Variants in TAFA1 observed in about 807,000 individuals in gnomAD.
The protein encoded by TAFA1 is TAFA chemokine like family member 1.
In TAFA1, 4 loss-of-function variants were observed where a neutral mutation model predicts 18.5. The observed-to-expected ratio is 0.22, with a 90% CI of 0.11 to 0.49. The LOEUF (loss-of-function observed/expected upper bound fraction) is 0.49, where lower values mean the gene tolerates loss of function less well. TAFA1 is among the 20% of genes least tolerant of loss of function. The pLI is 0.98. For synonymous variants in TAFA1, 56 were observed against 55.2 expected (o/e 1.01, Z -0.06); for missense variants, 147 against 169.0 (o/e 0.87, Z 0.72).
At chr3:68,081,847 C>A (rs1000503728) in intron 2 of TAFA1, among the ~76,000 whole-genome samples, 1 of 152,214 alleles carries the variant, frequency 6.6e-6, no homozygotes, top group Non-Finnish European at 1.5e-5. Flanking sequence ...CCACCCAGTT[C>A]GAGCTTCCTG....
chr3:68,512,383 A>G (rs2072861249), intron 3 of TAFA1, among the ~76,000 whole-genome samples: 1 of 152,182 alleles, frequency 6.6e-6, no homozygotes, highest in Non-Finnish European at 1.5e-5. Context: ...TACTTTTAAA[A>G]GAAAATAGAT....
intron 2 of TAFA1, among the ~76,000 whole-genome samples, chr3:68,043,919 T>C (rs1303833424): frequency 1.3e-5 from 2 of 152,296 alleles, no homozygotes; most frequent in African/African-American, 2.4e-5. Flanking sequence ...TATGTATACA[T>C]GTAAAAAATA....
chr3:68,163,319 A>G (rs1348254563), intron 2 of TAFA1, among the ~76,000 whole-genome samples: 2 of 152,178 alleles, frequency 1.3e-5, no homozygotes, highest in African/African-American at 2.4e-5. Flanking sequence ...TCCCTATAAG[A>G]TATGCAATGT....
intron 2 of TAFA1, among the ~76,000 whole-genome samples, chr3:68,248,472 A>C (rs1030762878): frequency 6.6e-6 from 1 of 152,110 alleles, no homozygotes; most frequent in African/African-American, 2.4e-5. Flanking sequence ...CATTTGGAGG[A>C]AAAGAAGATC....
intron 2 of TAFA1, among the ~76,000 whole-genome samples, chr3:68,057,591 T>C (rs2064551778): frequency 6.6e-6 from 1 of 152,206 alleles, no homozygotes. Flanking sequence ...TCCCTAAAGA[T>C]GTGCGTATCC....
intron 2 of TAFA1, among the ~76,000 whole-genome samples, chr3:68,130,612 A>C (rs960749497): frequency 6.6e-5 from 10 of 152,194 alleles, no homozygotes; most frequent in Admixed American, 6.5e-4. Flanking sequence ...AGTTTGTGCC[A>C]CTGCCTACAA....
At chr3:68,436,613 C>T (rs2106852726) in intron 3 of TAFA1, among the ~76,000 whole-genome samples, 1 of 152,146 alleles carries the variant, frequency 6.6e-6, no homozygotes, top group South Asian at 2.1e-4. Flanking sequence ...ATAATGTAGT[C>T]CCCAAGCAGG....
chr3:68,402,161 G>C (rs6549121), intron 2 of TAFA1, among the ~76,000 whole-genome samples: 78,315 of 151,868 alleles, frequency 0.52, 20,567 homozygotes, highest in African/African-American at 0.6. Context: ...TTCCAGAGAG[G>C]AGGATTTCCG....
At chr3:68,019,683 A>G (rs73837231) in intron 2 of TAFA1, among the ~76,000 whole-genome samples, 8,298 of 152,254 alleles carry the variant, frequency 0.055, 407 homozygotes, top group East Asian at 0.13. Flanking sequence ...CTAGACCCAT[A>G]GCCTAATAAC....
intron 2 of TAFA1, among the ~76,000 whole-genome samples, chr3:68,061,666 T>C (rs970573524): frequency 2.6e-5 from 4 of 152,232 alleles, no homozygotes; most frequent in African/African-American, 9.6e-5. Flanking sequence ...ATAAGCACTA[T>C]TGATCATGTG....
chr3:68,529,319 T>G (rs2073154022), intron 3 of TAFA1, among the ~76,000 whole-genome samples: 1 of 151,662 alleles, frequency 6.6e-6, no homozygotes, highest in Admixed American at 6.6e-5. Flanking sequence ...TAGTGACTCT[T>G]AACTAGCATT....
chr3:68,449,008 G>A (rs548239548), intron 3 of TAFA1, among the ~76,000 whole-genome samples: 1 of 152,266 alleles, frequency 6.6e-6, no homozygotes, highest in East Asian at 1.9e-4. Flanking sequence ...AAAAAACACA[G>A]CTTCATTGGC....
At chr3:68,111,087 T>C (rs894751103) in intron 2 of TAFA1, among the ~76,000 whole-genome samples, 1 of 152,210 alleles carries the variant, frequency 6.6e-6, no homozygotes, top group Non-Finnish European at 1.5e-5. Flanking sequence ...ATGATAATCT[T>C]TCCTATAGAA....
chr3:68,302,716 A>C (rs908733266), intron 2 of TAFA1, among the ~76,000 whole-genome samples: 2 of 152,142 alleles, frequency 1.3e-5, no homozygotes, highest in African/African-American at 4.8e-5. Flanking sequence ...TCTCTCCTAC[A>C]GGAAATACCT....
intron 2 of TAFA1, among the ~76,000 whole-genome samples, chr3:68,182,898 T>C (rs1207344895): frequency 6.6e-6 from 1 of 152,170 alleles, no homozygotes; most frequent in Non-Finnish European, 1.5e-5. Context: ...TTGGATTGCA[T>C]TGAAAATATA....
chr3:68,225,885 T>TC (rs201767557), intron 2 of TAFA1, among the ~76,000 whole-genome samples: 7,137 of 148,914 alleles, frequency 0.048, 230 homozygotes, highest in East Asian at 0.15. Context: ...GCTGTAAGCA[T>TC]AAAAAAAAAA....
At chr3:68,161,211 G>C (rs533853695) in intron 2 of TAFA1, among the ~76,000 whole-genome samples, 5 of 152,190 alleles carry the variant, frequency 3.3e-5, no homozygotes, top group Admixed American at 1.3e-4. Context: ...TGATATGCTG[G>C]ACCAAAAAAA....
chr3:68,479,636 G>T (rs6809703), intron 3 of TAFA1, among the ~76,000 whole-genome samples: 15,441 of 152,088 alleles, frequency 0.1, 2,222 homozygotes, highest in African/African-American at 0.31. Flanking sequence ...ATTTGTAGGA[G>T]AGATTCTGGA....
At chr3:68,363,853 C>T (rs569386882) in intron 2 of TAFA1, among the ~76,000 whole-genome samples, 7 of 152,180 alleles carry the variant, frequency 4.6e-5, no homozygotes, top group South Asian at 2.1e-4. Flanking sequence ...GGCAGCCTTG[C>T]GGGATTTCTC....
Sources: allele counts gnomAD v4.1 joint callset (sites outside exome capture counted in the v4.1 genomes callset), GRCh38; gene constraint gnomAD v4.1.1; transcripts MANE v1.5; gene names NCBI Gene and HGNC (gene_info 2026-07-23, HGNC 2026-07-21).